CCNJL: variants seen among roughly 807,000 people sequenced by gnomAD.
CCNJL encodes cyclin-J-like protein.
Under a neutral mutation model 33.4 loss-of-function variants are expected in CCNJL, and 33 were observed. The ratio of observed to expected loss-of-function variants is 0.99; its 90% confidence interval spans 0.75 to 1.32. The LOEUF is 1.32. Ranked by LOEUF, CCNJL falls within the 40% of genes most tolerant of loss-of-function variation. The pLI is 0.00. For synonymous variants in CCNJL, 227 were observed against 220.9 expected, an observed-to-expected ratio of 1.03 and a Z score of -0.24; for missense variants, 512 against 499.7, an observed-to-expected ratio of 1.02 and a Z score of -0.23.
chr5:160,273,850 T>C (rs1315959472), intron 3 of CCNJL, among the ~76,000 whole-genome samples: 4 of 151,890 alleles, frequency 2.6e-5, no homozygotes, highest in African/African-American at 9.7e-5. Flanking sequence ...GGTTTCCCCA[T>C]GTTGGCCAGG....
upstream of CCNJL, chr5:160,312,844 CG>C (rs1428682208): frequency 6.6e-6 from 1 of 152,164 alleles, no homozygotes; most frequent in African/African-American, 2.4e-5. Context: ...GTGAAACGTG[CG>C]GACAGGACGC....
chr5:160,319,930 T>TAATA (rs373569217), intron 1 of CCNJL, among the ~76,000 whole-genome samples: 3,826 of 151,462 alleles, frequency 0.025, 78 homozygotes, highest in Non-Finnish European at 0.031. Flanking sequence ...AATAAATAAA[T>TAATA]AATAAATAAA....
intron 5 of CCNJL, chr5:160,255,184 G>A (rs1007832809): frequency 4.5e-5 from 7 of 156,370 alleles, no homozygotes; most frequent in Admixed American, 1.3e-4. Flanking sequence ...GTGGTGGCGC[G>A]CACCTGTAAT....
chr5:160,253,797 C>T lies in CCNJL; in HGVS notation c.745G>A (p.Val249Met). ...LSTCIEILLV[V>M]YDNVLKDAVA... ...GCATCCTTGAGGACGTTGTCATACA[C>T]TCTGAAACGAGAAGACCTGGGTGAG... Residue 249 changes from valine (V) to methionine (M), a missense_variant and splice_region_variant, in exon 6 of 6, where the codon GTG (valine) becomes ATG (methionine). By Grantham distance (21) the Val-to-Met change is conservative. Coordinates refer to ENST00000257536, the MANE Select transcript of CCNJL (RefSeq NM_001308173.3). 4 of 1,500,674 alleles carry T rather than the reference C, an allele frequency of 2.7e-6. No individual in the cohort carries two copies. Among genetic ancestry groups the T allele is most frequent in the Non-Finnish European group, 1.8e-6 (2 of 1,129,658 alleles). The allele number at this position is 1,500,674 out of a possible 1,614,324, so 93.0% of individuals were successfully genotyped here. A position where few individuals can be genotyped will look rare whatever the true frequency, so the allele number is the denominator to read the frequency against.
At chr5:160,256,251 G>T (rs1355219373) in intron 4 of CCNJL, among the ~76,000 whole-genome samples, 1 of 152,164 alleles carries the variant, frequency 6.6e-6, no homozygotes, top group Admixed American at 6.5e-5. Flanking sequence ...ACGGCTCCCA[G>T]GGAGCAGCAA....
chr5:160,283,004 T>TATATAC (rs1454581985), intron 2 of CCNJL, among the ~76,000 whole-genome samples: 4 of 57,660 alleles, frequency 6.9e-5, no homozygotes, highest in Admixed American at 1.8e-4. Context: ...TATATATATA[T>TATATAC]ATATACATAT....
chr5:160,298,070 G>A (rs1762805203), intron 2 of CCNJL, among the ~76,000 whole-genome samples: 1 of 152,190 alleles, frequency 6.6e-6, no homozygotes, highest in East Asian at 1.9e-4. Flanking sequence ...GGGGACAGCA[G>A]ATCCGCAAAA....
intron 3 of CCNJL, among the ~76,000 whole-genome samples, chr5:160,271,275 G>A (rs146655694): frequency 6.6e-6 from 1 of 152,252 alleles, no homozygotes; most frequent in East Asian, 1.9e-4. Context: ...GGGGTGGGCT[G>A]CTGCGATCAG....
chr5:160,298,147 A>G (rs1402609235), intron 2 of CCNJL, among the ~76,000 whole-genome samples: 1 of 152,142 alleles, frequency 6.6e-6, no homozygotes, highest in Admixed American at 6.5e-5. Flanking sequence ...CTCAGAAGCC[A>G]TTTTTCTACT....
At chr5:160,320,762 C>T (rs1022587720) in intron 1 of CCNJL, among the ~76,000 whole-genome samples, 30 of 151,380 alleles carry the variant, frequency 2.0e-4, no homozygotes, top group African/African-American at 6.9e-4. Context: ...TTGCCTCTTT[C>T]TTTTCTTTCT....
At chr5:160,301,792 T>A (rs1349408608) in intron 2 of CCNJL, among the ~76,000 whole-genome samples, 2 of 149,390 alleles carry the variant, frequency 1.3e-5, no homozygotes, top group Non-Finnish European at 3.0e-5. Context: ...TGCAGTGGCA[T>A]GATCTTGGGT....
upstream of CCNJL, chr5:160,315,318 A>AACACACACACACACACAC (rs57432164): frequency 1.9e-5 from 2 of 103,900 alleles, no homozygotes; most frequent in South Asian, 3.6e-4. Context: ...CCCGCCCCCC[A>AACACACACACACACACAC]ACACACACAC....
chr5:160,302,825 A>AT (rs1233941797), intron 2 of CCNJL, among the ~76,000 whole-genome samples: 22 of 151,254 alleles, frequency 1.5e-4, no homozygotes, highest in African/African-American at 3.1e-4. Flanking sequence ...AAAAAAAAAA[A>AT]AATAATAATA....
intron 2 of CCNJL, among the ~76,000 whole-genome samples, chr5:160,302,541 G>A (rs1762956184): frequency 6.6e-6 from 1 of 152,130 alleles, no homozygotes. Flanking sequence ...GCCAGGCATG[G>A]TGGCTCACTC....
intron 1 of CCNJL, 62 bp from the exon 2 acceptor site, chr5:160,312,034 C>T: frequency 2.8e-6 from 3 of 1,055,682 alleles, no homozygotes; most frequent in Non-Finnish European, 4.3e-6. Flanking sequence ...CCCCGGTGTC[C>T]CTATCCTCTC....
chr5:160,301,111 C>T (rs888467637), intron 2 of CCNJL, among the ~76,000 whole-genome samples: 1 of 152,124 alleles, frequency 6.6e-6, no homozygotes, highest in African/African-American at 2.4e-5. Flanking sequence ...TATATAAAAT[C>T]AAATGGTGCA....
chr5:160,282,998 T>TAC (rs1561791235), intron 2 of CCNJL, among the ~76,000 whole-genome samples: 5 of 58,042 alleles, frequency 8.6e-5, no homozygotes, highest in African/African-American at 4.1e-4. Flanking sequence ...TATATATATA[T>TAC]ATATATATAT....
Position 160,281,223 on chromosome 5 carries a change from T to A in CCNJL, c.67-485A>T, listed in dbSNP as rs936052450. On this transcript the variant is annotated intron_variant, in intron 2 of 5. Transcript: ENST00000257536. ...ATGTATGCAAAATGCCTAGCACACC[T>A]GTGACCTCTCAGGATCCACATCTAA... is the stretch of plus-strand genomic sequence containing the variant. Among the ~76,000 whole-genome samples, 7 of 152,300 alleles carry A rather than the reference T, an allele frequency of 4.6e-5. 1 individual carries two copies. The highest frequency in any genetic ancestry group is 2.6e-4 in the Admixed American group (4 of 15,302).
chr5:160,323,866 G>T (rs1756683043), intron 1 of CCNJL, among the ~76,000 whole-genome samples: 1 of 152,212 alleles, frequency 6.6e-6, no homozygotes, highest in Admixed American at 6.5e-5. Context: ...CTGTCTTTGA[G>T]TTGGGACATT....
Sources: allele counts gnomAD v4.1 joint callset (sites outside exome capture counted in the v4.1 genomes callset), GRCh38; gene constraint gnomAD v4.1.1; transcripts MANE v1.5; gene names NCBI Gene and HGNC (gene_info 2026-07-23, HGNC 2026-07-21).